The following SLC25A48 variants were observed in gnomAD, a reference collection of about 807,000 sequenced individuals.
SLC25A48 encodes solute carrier family 25 member 48, also known as CTC-321K16.1.
SLC25A48 carries 29 observed loss-of-function variants against 32.2 expected under a neutral mutation model. The ratio of observed to expected loss-of-function variants is 0.90; its 90% CI spans 0.67 to 1.23. The LOEUF (loss-of-function observed/expected upper bound fraction) is 1.23, where lower values mean the gene tolerates loss of function less well. Among genes scored for constraint, SLC25A48 ranks in the 50% most tolerant of loss-of-function variants. The pLI is 0.00. For synonymous variants in SLC25A48, 164 were observed against 172.3 expected (o/e 0.95, Z 0.38); for missense variants, 399 against 422.7 (o/e 0.94, Z 0.49).
chr5:135,811,563 C>T (rs1471681356), intron 3 of SLC25A48, among the ~76,000 whole-genome samples: 1 of 151,864 alleles, frequency 6.6e-6, no homozygotes, highest in African/African-American at 2.4e-5. Flanking sequence ...AGTGTTCTCA[C>T]CACAAAAAAT....
At chr5:135,683,515 G>GA (rs34917062) in intron 3 of SLC25A48, among the ~76,000 whole-genome samples, 113,324 of 152,010 alleles carry the variant, frequency 0.75, 42,836 homozygotes, top group Middle Eastern at 0.86. Context: ...CTTAAAGTAA[G>GA]TCTTGGCTAG....
intron 3 of SLC25A48, among the ~76,000 whole-genome samples, chr5:135,685,058 C>A (rs1281263040): frequency 6.6e-6 from 1 of 152,076 alleles, no homozygotes; most frequent in Non-Finnish European, 1.5e-5. Flanking sequence ...CTGACCTTTG[C>A]CTGCATTATA....
intron 3 of SLC25A48, among the ~76,000 whole-genome samples, chr5:135,657,454 C>T (rs801554): frequency 6.6e-6 from 1 of 152,132 alleles, no homozygotes; most frequent in African/African-American, 2.4e-5. Context: ...GTCATAACCA[C>T]GACATGAGCT....
upstream of SLC25A48, among the ~76,000 whole-genome samples, chr5:135,834,417 CACAGT>C (rs1561516466): frequency 6.6e-6 from 1 of 152,250 alleles, no homozygotes; most frequent in African/African-American, 2.4e-5. Flanking sequence ...GTCAGCACAG[CACAGT>C]ACAGGGAGAT....
intron 1 of SLC25A48, among the ~76,000 whole-genome samples, chr5:135,835,678 T>TAAA (rs35114794): frequency 0.019 from 1,359 of 70,360 alleles, 105 homozygotes; most frequent in African/African-American, 0.061. Context: ...TTGCTAATTG[T>TAAA]AAAAAAAAAA....
intron 6 of SLC25A48, chr5:135,876,125 C>CTTTTTTTTTTT (rs1762015222): frequency 1.3e-5 from 1 of 74,758 alleles, no homozygotes. Flanking sequence ...TCTTTTTTTT[C>CTTTTTTTTTTT]TTCTTCTTTT....
chr5:135,752,441 T>G (rs1177570847), intron 3 of SLC25A48, among the ~76,000 whole-genome samples: 1 of 152,176 alleles, frequency 6.6e-6, no homozygotes, highest in Non-Finnish European at 1.5e-5. Flanking sequence ...AATATCTTTC[T>G]ACAATATTAC....
Position 135,751,006 on chromosome 5 carries a change from T to C in SLC25A48, c.-520-61517T>C, listed in dbSNP as rs149760331. ...TCAGTGCTCTCAGCCAAGGCCATCT[T>C]AAACCAGCGGCCCTGAGACACATGA... On this transcript the variant is annotated intron_variant, in intron 3 of 10. Coordinates refer to the SLC25A48 transcript ENST00000646290. 1.9e-3 allele frequency among the ~76,000 whole-genome samples: 292 copies of C among 152,302 alleles called. 2 individuals carry two copies. The highest frequency in any genetic ancestry group is 6.7e-3 in the African/African-American group (277 of 41,560).
At chr5:135,620,633 G>A (rs931035011) in intron 1 of SLC25A48, among the ~76,000 whole-genome samples, 2 of 152,088 alleles carry the variant, frequency 1.3e-5, no homozygotes, top group African/African-American at 4.8e-5. Flanking sequence ...CCACTCCTCT[G>A]CTTGGGGAGT....
chr5:135,803,931 G>A (rs542139139), intron 3 of SLC25A48, among the ~76,000 whole-genome samples: 7 of 151,560 alleles, frequency 4.6e-5, no homozygotes, highest in South Asian at 2.1e-4. Flanking sequence ...GAGTGCACAC[G>A]CTGTGTGTAC....
intron 3 of SLC25A48, among the ~76,000 whole-genome samples, chr5:135,773,193 C>T (rs1304691978): frequency 6.6e-6 from 1 of 150,940 alleles, no homozygotes; most frequent in Non-Finnish European, 1.5e-5. Flanking sequence ...ATACACCCTC[C>T]CTGTGATATT....
chr5:135,589,632 C>G (rs1751461327), intron 1 of SLC25A48, among the ~76,000 whole-genome samples: 1 of 152,042 alleles, frequency 6.6e-6, no homozygotes, highest in East Asian at 1.9e-4. Context: ...TTGGGATGTC[C>G]CATGTAGTAT....
intron 3 of SLC25A48, among the ~76,000 whole-genome samples, chr5:135,760,085 C>T (rs1451152297): frequency 6.6e-6 from 1 of 152,110 alleles, no homozygotes; most frequent in Non-Finnish European, 1.5e-5. Context: ...CCACCCTCAG[C>T]CTTCCAAAGT....
intron 3 of SLC25A48, among the ~76,000 whole-genome samples, chr5:135,756,139 C>T (rs1438003533): frequency 1.3e-5 from 2 of 151,478 alleles, no homozygotes; most frequent in African/African-American, 2.4e-5. Context: ...TGATATTTAT[C>T]GTATCTAGTG....
At chr5:135,767,961 G>T (rs542264067) in intron 3 of SLC25A48, among the ~76,000 whole-genome samples, 1 of 148,232 alleles carries the variant, frequency 6.7e-6, no homozygotes, top group African/African-American at 2.5e-5. Context: ...ATATCCGGGG[G>T]GGGGAGAGGA....
intron 3 of SLC25A48, among the ~76,000 whole-genome samples, chr5:135,792,287 C>A (rs756305319): frequency 1.3e-5 from 2 of 151,638 alleles, no homozygotes; most frequent in African/African-American, 4.8e-5. Flanking sequence ...TGATATTATT[C>A]GTAGTAAGCT....
chr5:135,587,303 A>G (rs7720019), intron 1 of SLC25A48, among the ~76,000 whole-genome samples: 23,047 of 152,136 alleles, frequency 0.15, 2,689 homozygotes, highest in African/African-American at 0.33. Flanking sequence ...AAAATTCTGG[A>G]ACTACAGGTG....
At chr5:135,697,224 C>T (rs1754288529) in intron 3 of SLC25A48, among the ~76,000 whole-genome samples, 2 of 152,296 alleles carry the variant, frequency 1.3e-5, no homozygotes, top group Admixed American at 6.5e-5. Context: ...TTTTAAAACT[C>T]TAAGTTCCAG....
intron 3 of SLC25A48, among the ~76,000 whole-genome samples, chr5:135,809,033 G>C (rs1407917876): frequency 6.6e-6 from 1 of 152,100 alleles, no homozygotes; most frequent in Non-Finnish European, 1.5e-5. Flanking sequence ...GGGTCGGGGG[G>C]GCTCATGCCT....
Sources: allele counts gnomAD v4.1 joint callset (sites outside exome capture counted in the v4.1 genomes callset), GRCh38; gene constraint gnomAD v4.1.1; transcripts MANE v1.5; gene names NCBI Gene and HGNC (gene_info 2026-07-23, HGNC 2026-07-21).